TRPM3: variants seen among roughly 807,000 people sequenced by gnomAD.
TRPM3 encodes long transient receptor potential channel 3.
Under a neutral mutation model 181.2 loss-of-function variants are expected in TRPM3, and 77 were observed. The observed-to-expected ratio is 0.42, with a 90% CI of 0.35 to 0.51. TRPM3 has a LOEUF of 0.51. Ranked by LOEUF, TRPM3 falls within the 20% of genes least tolerant of loss-of-function variation. TRPM3 has a pLI of 0.01. For synonymous variants in TRPM3, 745 were observed against 796.4 expected (o/e 0.94, Z 1.09); for missense variants, 1,759 against 2,196.7 (o/e 0.80, Z 3.98).
At chr9:71,390,446 G>C (rs1431720247) in intron 1 of TRPM3, among the ~76,000 whole-genome samples, 1 of 152,012 alleles carries the variant, frequency 6.6e-6, no homozygotes, top group Non-Finnish European at 1.5e-5. Context: ...ACTCGCAAAT[G>C]TTTATATTCT....
intron 1 of TRPM3, among the ~76,000 whole-genome samples, chr9:71,197,792 T>C (rs1449071422): frequency 7.5e-6 from 1 of 133,968 alleles, no homozygotes; most frequent in Non-Finnish European, 1.6e-5. Flanking sequence ...GATGAGTAGG[T>C]TGCAAAAATT....
At chr9:70,917,367 G>A in intron 1 of TRPM3, 1 of 981,590 alleles carries the variant, frequency 1.0e-6, no homozygotes, top group Non-Finnish European at 1.7e-6. Context: ...AAGAGTGAAA[G>A]GCCTTCAACC....
chr9:71,086,473 A>G (rs1361523743), intron 1 of TRPM3, among the ~76,000 whole-genome samples: 1 of 151,998 alleles, frequency 6.6e-6, no homozygotes, highest in African/African-American at 2.4e-5. Flanking sequence ...GCTTAGATTT[A>G]GATGCCCATC....
intron 1 of TRPM3, among the ~76,000 whole-genome samples, chr9:71,226,308 C>A (rs1331688133): frequency 6.6e-6 from 1 of 151,816 alleles, no homozygotes; most frequent in African/African-American, 2.4e-5. Context: ...AAACAAATAA[C>A]ATCACAGGAG....
intron 1 of TRPM3, among the ~76,000 whole-genome samples, chr9:71,233,582 G>A (rs2081194899): frequency 6.6e-6 from 1 of 152,162 alleles, no homozygotes; most frequent in Non-Finnish European, 1.5e-5. Context: ...CAGCCTTGAT[G>A]ACTTTAGAAA....
In TRPM3 at chr9:71,379,742, G is replaced by A. The variant is rs1026903040; in HGVS notation, c.183+66911C>T. Among the ~76,000 whole-genome samples, 4 of 151,518 alleles carry A rather than the reference G, an allele frequency of 2.6e-5. No individual in the cohort carries two copies. In the South Asian group the frequency reaches 8.3e-4, roughly 32 times the overall value. ...AATACTTGGTCAGTCTTTATATGTT[G>A]AAAAGCATAAACTTACATATACATC... On this transcript the variant is annotated intron_variant, in intron 1 of 24. Transcript: ENST00000357533.
intron 1 of TRPM3, among the ~76,000 whole-genome samples, chr9:71,368,667 A>G (rs2092416185): frequency 6.6e-6 from 1 of 152,262 alleles, no homozygotes; most frequent in Non-Finnish European, 1.5e-5. Flanking sequence ...ATGATTTACT[A>G]GTCTGAAATG....
At chr9:71,112,359 C>A (rs897881549) in intron 1 of TRPM3, among the ~76,000 whole-genome samples, 1 of 152,140 alleles carries the variant, frequency 6.6e-6, no homozygotes, top group Non-Finnish European at 1.5e-5. Flanking sequence ...ATATCTGGTG[C>A]TACCTACAAA....
At chr9:71,192,833 G>C (rs1188829022) in intron 1 of TRPM3, among the ~76,000 whole-genome samples, 2 of 151,712 alleles carry the variant, frequency 1.3e-5, no homozygotes, top group African/African-American at 4.8e-5. Context: ...TCATTGCCAA[G>C]ACCAGTGCTG....
intron 1 of TRPM3, among the ~76,000 whole-genome samples, chr9:71,045,752 A>C (rs1387446792): frequency 6.6e-6 from 1 of 152,188 alleles, no homozygotes; most frequent in East Asian, 1.9e-4. Context: ...AGGCTAAGAG[A>C]CTCAGAAGAC....
intron 1 of TRPM3, among the ~76,000 whole-genome samples, chr9:70,983,337 C>T (rs2097383903): frequency 6.6e-6 from 1 of 152,050 alleles, no homozygotes; most frequent in Non-Finnish European, 1.5e-5. Context: ...CTTTTTACTA[C>T]TTTATCCACT....
At chr9:70,927,873 GCTTT>G (rs1564782092) in intron 1 of TRPM3, among the ~76,000 whole-genome samples, 1 of 152,132 alleles carries the variant, frequency 6.6e-6, no homozygotes, top group East Asian at 1.9e-4. Context: ...CTCCAATGCA[GCTTT>G]CTTACTTCCC....
intron 1 of TRPM3, among the ~76,000 whole-genome samples, chr9:71,076,799 C>T (rs2063522321): frequency 6.6e-6 from 1 of 152,072 alleles, no homozygotes; most frequent in Non-Finnish European, 1.5e-5. Context: ...GTGGCTGGAT[C>T]CCAGGCATTA....
At chr9:71,226,644 G>A (rs1014115850) in intron 1 of TRPM3, among the ~76,000 whole-genome samples, 5 of 151,720 alleles carry the variant, frequency 3.3e-5, no homozygotes, top group African/African-American at 4.8e-5. Flanking sequence ...GTGTGTGTGT[G>A]TATATACACA....
intron 1 of TRPM3, among the ~76,000 whole-genome samples, chr9:71,395,059 T>C (rs2093158074): frequency 6.6e-6 from 1 of 152,186 alleles, no homozygotes; most frequent in Admixed American, 6.5e-5. Flanking sequence ...CATCCCACAA[T>C]GACCAGGCAA....
chr9:71,027,672 C>T (rs1222931285), intron 1 of TRPM3, among the ~76,000 whole-genome samples: 1 of 152,064 alleles, frequency 6.6e-6, no homozygotes, highest in Non-Finnish European at 1.5e-5. Context: ...AATGCAATTG[C>T]AAGTATTAGC....
chr9:71,357,642 C>G (rs371684795), intron 1 of TRPM3, among the ~76,000 whole-genome samples: 61 of 151,946 alleles, frequency 4.0e-4, no homozygotes, highest in African/African-American at 1.2e-3. Flanking sequence ...ATTAACTAGC[C>G]TTATTTGAAA....
intron 1 of TRPM3, among the ~76,000 whole-genome samples, chr9:71,133,976 TGTGTG>T (rs2074554327): frequency 0.061 from 133 of 2,194 alleles, 1 homozygote; most frequent in East Asian, 0.33. Context: ...TGTGTGTTTG[TGTGTG>T]TGTGTGTGTG....
In TRPM3 at chr9:70,610,690, C is replaced by G. The variant is rs1206848689; in HGVS notation, c.2586G>C (p.Gln862His). The G allele has an allele frequency of 6.2e-7, 1 of 1,614,076 alleles. No homozygotes were observed. The highest frequency in any genetic ancestry group is 1.3e-5 in the African/African-American group (1 of 74,930). ...SSRKKDEEEV[Q>H]SKHRLIPLGR... Reference sequence around the variant, plus strand: ...CGAGGGGGATTAACCGGTGCTTGCTCTGAACTTCCTCTTCATCCTTCTTCC... The same window carrying G: ...CGAGGGGGATTAACCGGTGCTTGCTGTGAACTTCCTCTTCATCCTTCTTCC... The change falls in exon 19 of 26, where the codon CAG becomes CAC. Residue 862 changes from glutamine to histidine, a missense_variant. Physicochemically the swap from Gln to His is conservative, Grantham distance 24 (BLOSUM62 0). Transcript: ENST00000677713.
Sources: gnomAD v4.1 joint callset for allele counts (sites outside exome capture counted in the v4.1 genomes callset) on GRCh38, gnomAD v4.1.1 for gene constraint, MANE v1.5 for transcripts, NCBI Gene and HGNC (gene_info 2026-07-23, HGNC 2026-07-21) for gene names.